C11orf97: variants seen among roughly 807,000 people sequenced by gnomAD.
C11orf97 encodes the protein chromosome 11 open reading frame 97, also known as uncharacterized protein C11orf97.
C11orf97 carries 15 observed loss-of-function variants against 16.2 expected under a neutral mutation model. The observed-to-expected ratio is 0.93, with a 90% CI of 0.62 to 1.43. The LOEUF is 1.43. C11orf97 is among the 40% of genes most tolerant of loss of function. C11orf97 has a pLI of 0.00. For synonymous variants in C11orf97, 61 were observed against 65.7 expected, an observed-to-expected ratio of 0.93 and a Z score of 0.34; for missense variants, 171 against 161.2, an observed-to-expected ratio of 1.06 and a Z score of -0.33.
intron 2 of C11orf97, among the ~76,000 whole-genome samples, chr11:94,518,348 G>A (rs1428522292): frequency 6.6e-6 from 1 of 151,938 alleles, no homozygotes; most frequent in African/African-American, 2.4e-5. Context: ...AATTACCTGG[G>A]AGCTTGTTAA....
chr11:94,514,677 C>G (rs1389454511), intron 1 of C11orf97, among the ~76,000 whole-genome samples: 101 of 113,352 alleles, frequency 8.9e-4, no homozygotes, highest in African/African-American at 3.3e-3. Context: ...CAGAGTCTTA[C>G]TCTGTTGCCC....
intron 1 of C11orf97, among the ~76,000 whole-genome samples, chr11:94,513,202 A>G (rs532044234): frequency 1.1e-4 from 16 of 152,104 alleles, no homozygotes; most frequent in Non-Finnish European, 1.5e-4. Context: ...CAATTACCCA[A>G]TCCTTTTAGA....
chr11:94,513,969 G>A (rs746590823), intron 1 of C11orf97, among the ~76,000 whole-genome samples: 1 of 152,066 alleles, frequency 6.6e-6, no homozygotes, highest in Non-Finnish European at 1.5e-5. Flanking sequence ...CACCATGCCC[G>A]GCTAATGTTT....
chr11:94,525,484 A>T (rs1444332854), intron 2 of C11orf97, among the ~76,000 whole-genome samples: 1 of 152,258 alleles, frequency 6.6e-6, no homozygotes, highest in Non-Finnish European at 1.5e-5. Flanking sequence ...GCAAATGTGG[A>T]TATATTTCAT....
chr11:94,518,169 T>A (rs4593974), intron 2 of C11orf97, among the ~76,000 whole-genome samples: 3 of 140,952 alleles, frequency 2.1e-5, no homozygotes, highest in Middle Eastern at 3.7e-3. Flanking sequence ...AAAAAAAAGA[T>A]CTAGATATCA....
chr11:94,519,684 C>T (rs1947642592), intron 2 of C11orf97, among the ~76,000 whole-genome samples: 1 of 152,194 alleles, frequency 6.6e-6, no homozygotes, highest in African/African-American at 2.4e-5. Context: ...CACTAGAGGT[C>T]GCACAGAGGT....
At chr11:94,527,051 A>G (rs796680704) in intron 2 of C11orf97, among the ~76,000 whole-genome samples, 2 of 152,356 alleles carry the variant, frequency 1.3e-5, no homozygotes, top group African/African-American at 4.8e-5. Context: ...ATCGTACAAT[A>G]ATCCTTCAAG....
At chr11:94,531,261 G>A (rs983148608) in intron 3 of C11orf97, among the ~76,000 whole-genome samples, 3 of 152,040 alleles carry the variant, frequency 2.0e-5, no homozygotes, top group South Asian at 2.1e-4. Flanking sequence ...TCAACATGGC[G>A]AAACCCCGTC....
chr11:94,523,602 T>G (rs35820823), intron 2 of C11orf97, among the ~76,000 whole-genome samples: 1 of 152,226 alleles, frequency 6.6e-6, no homozygotes, highest in African/African-American at 2.4e-5. Context: ...GGAAGTACCC[T>G]GAAGCTGTGG....
chr11:94,526,299 G>A (rs1183679539), intron 2 of C11orf97, among the ~76,000 whole-genome samples: 1 of 152,096 alleles, frequency 6.6e-6, no homozygotes, highest in Non-Finnish European at 1.5e-5. Context: ...ATGTATGGAG[G>A]GCTATTTTTT....
At position 94,517,634 on chromosome 11, in the gene C11orf97, A is replaced by C; in HGVS notation, c.197A>C (p.Glu66Ala). Residue 66 changes from glutamate to alanine, a missense_variant, in exon 2 of 4, where the codon GAA (glutamate) becomes GCA (alanine). Coordinates refer to ENST00000542198, the MANE Select transcript of C11orf97 (RefSeq NM_001190462.2). ...CATAAGAGAATTAAGGAAGTACTGG[A>C]AGAAGAACGTCATATTAAGAGAGAT... ...EPHKRIKEVL[E>A]EERHIKRDEC... The C allele has an allele frequency of 2.0e-6, 3 of 1,533,362 alleles. No individual in the cohort carries two copies. In the South Asian group the frequency reaches 3.6e-5, roughly 18 times the overall value. 95.0% of individuals were successfully genotyped at this position (1,533,362 alleles called of 1,614,324 possible).
At chr11:94,514,708 G>A (rs1021573983) in intron 1 of C11orf97, among the ~76,000 whole-genome samples, 6 of 139,436 alleles carry the variant, frequency 4.3e-5, no homozygotes, top group Middle Eastern at 3.8e-3. Flanking sequence ...ACAGTGGCGC[G>A]ATCTCGGCTC....
At chr11:94,521,468 C>G (rs1295228883) in intron 2 of C11orf97, among the ~76,000 whole-genome samples, 1 of 152,186 alleles carries the variant, frequency 6.6e-6, no homozygotes, top group Non-Finnish European at 1.5e-5. Context: ...TTAAGGTAGG[C>G]TAGGCGAAGC....
intron 2 of C11orf97, among the ~76,000 whole-genome samples, chr11:94,518,842 C>T (rs186579379): frequency 3.7e-4 from 57 of 152,182 alleles, no homozygotes; most frequent in Non-Finnish European, 4.1e-4. Flanking sequence ...ACTAAGGATT[C>T]CTAAGAGAGA....
intron 2 of C11orf97, 45 bp from the exon 3 acceptor site, chr11:94,528,039 A>C (rs895591409): frequency 2.0e-6 from 3 of 1,480,098 alleles, no homozygotes; most frequent in Non-Finnish European, 2.7e-6. Flanking sequence ...TGCTAAAAAG[A>C]GAATACGCTA....
At chr11:94,520,819 A>C (rs1357011224) in intron 2 of C11orf97, among the ~76,000 whole-genome samples, 1 of 152,162 alleles carries the variant, frequency 6.6e-6, no homozygotes, top group Non-Finnish European at 1.5e-5. Context: ...TGCCCCTGCT[A>C]CTGTTAATTC....
At chr11:94,525,931 G>A (rs962057000) in intron 2 of C11orf97, among the ~76,000 whole-genome samples, 10 of 152,206 alleles carry the variant, frequency 6.6e-5, no homozygotes, top group South Asian at 2.1e-4. Flanking sequence ...AAAAATACAC[G>A]TATAAAGGTT....
rs567817303 is a variant in C11orf97 at position 94,520,265 on chromosome 11, C to G, written c.250+2578C>G. On this transcript the variant is annotated intron_variant, in intron 2 of 3. Coordinates refer to ENST00000542198, the MANE Select transcript of C11orf97 (RefSeq NM_001190462.2). ...CATCTGATGTAGTTGTTTCCTCCTT[C>G]TCTCTAAAAACACTTTCTTAGCTTG... 3.0e-3 allele frequency among the ~76,000 whole-genome samples: 462 copies of G among 152,296 alleles called. 2 individuals carry two copies. Among genetic ancestry groups the G allele is most frequent in the South Asian group, 7.5e-3 (36 of 4,818 alleles).
At chr11:94,514,552 A>G (rs547848811) in intron 1 of C11orf97, among the ~76,000 whole-genome samples, 2 of 152,204 alleles carry the variant, frequency 1.3e-5, no homozygotes, top group African/African-American at 2.4e-5. Flanking sequence ...GCTTGTAAAC[A>G]TCCTTGAATT....
Sources: gnomAD v4.1 joint callset for allele counts (sites outside exome capture counted in the v4.1 genomes callset) on GRCh38, gnomAD v4.1.1 for gene constraint, MANE v1.5 for transcripts, NCBI Gene and HGNC (gene_info 2026-07-23, HGNC 2026-07-21) for gene names.